RANBP2: variants seen among roughly 807,000 people sequenced by gnomAD.
RANBP2 encodes the protein RAN binding protein 2, also known as E3 SUMO-protein ligase RanBP2.
Under a neutral mutation model 303.6 loss-of-function variants are expected in RANBP2, and 57 were observed. The ratio of observed to expected loss-of-function variants is 0.19; its 90% confidence interval spans 0.15 to 0.23. RANBP2 has a LOEUF of 0.23. RANBP2 is among the 10% of genes least tolerant of loss of function. RANBP2 has a pLI of 1.00. For synonymous variants in RANBP2, 1,167 were observed against 1,301.5 expected (o/e 0.90, Z 2.23); for missense variants, 3,138 against 3,780.8 (o/e 0.83, Z 4.46).
chr2:109,136,893 A>G, the RANBP2 span, among the ~76,000 whole-genome samples: 3 of 152,138 alleles, frequency 2.0e-5, no homozygotes, highest in African/African-American at 7.2e-5. Context: ...GCAAGACCTC[A>G]CCAGAGAATC....
At chr2:109,760,438 C>T in the RANBP2 span, 3 of 948,914 alleles carry the variant, frequency 3.2e-6, no homozygotes, top group Non-Finnish European at 3.7e-6. Context: ...GGCGCAGGGC[C>T]GGGGGCGGCG....
At chr2:108,818,516 A>G in the RANBP2 span, among the ~76,000 whole-genome samples, 1 of 152,176 alleles carries the variant, frequency 6.6e-6, no homozygotes, top group Non-Finnish European at 1.5e-5. Flanking sequence ...ATTACTATAT[A>G]ATAATAAAGG....
chr2:109,142,162 G>A, the RANBP2 span, among the ~76,000 whole-genome samples: 1 of 151,952 alleles, frequency 6.6e-6, no homozygotes, highest in Non-Finnish European at 1.5e-5. Context: ...AGCAGCAAGG[G>A]AATGCTTCCC....
At chr2:108,875,317 A>T in the RANBP2 span, among the ~76,000 whole-genome samples, 118 of 39,482 alleles carry the variant, frequency 3.0e-3, 3 homozygotes, top group African/African-American at 5.5e-3. Context: ...CTTAAAGTAT[A>T]ATAAAAAAAA....
chr2:109,199,948 A>G, the RANBP2 span, among the ~76,000 whole-genome samples: 14 of 146,114 alleles, frequency 9.6e-5, no homozygotes, highest in East Asian at 2.8e-3. Context: ...ACGTGTCCCC[A>G]GGGACGTTTG....
At chr2:109,591,629 G>T in the RANBP2 span, among the ~76,000 whole-genome samples, 41 of 152,304 alleles carry the variant, frequency 2.7e-4, no homozygotes, top group East Asian at 7.3e-3. Flanking sequence ...AGGTGTGGTG[G>T]CTCACGTCTG....
At chr2:108,747,156 TGAA>T (rs1291744383) in intron 8 of RANBP2, among the ~76,000 whole-genome samples, 2 of 152,168 alleles carry the variant, frequency 1.3e-5, no homozygotes, top group African/African-American at 4.8e-5. Context: ...GATATAAAGA[TGAA>T]GAAGATACGG....
At chr2:109,399,111 G>T in the RANBP2 span, among the ~76,000 whole-genome samples, 3 of 152,142 alleles carry the variant, frequency 2.0e-5, no homozygotes, top group African/African-American at 7.2e-5. Flanking sequence ...GGCCCCCCTA[G>T]AAGCGTGGAG....
At chr2:109,559,074 C>T in the RANBP2 span, among the ~76,000 whole-genome samples, 60 of 152,130 alleles carry the variant, frequency 3.9e-4, 1 homozygote, top group East Asian at 0.011. Context: ...TTAGTACAGA[C>T]AGGGTTTCAC....
chr2:109,171,507 G>A, the RANBP2 span, among the ~76,000 whole-genome samples: 9 of 152,342 alleles, frequency 5.9e-5, no homozygotes, highest in East Asian at 7.7e-4. Flanking sequence ...TGCTGGGCTC[G>A]CGGGTATGGT....
At chr2:109,317,011 C>T in the RANBP2 span, among the ~76,000 whole-genome samples, 1 of 152,030 alleles carries the variant, frequency 6.6e-6, no homozygotes, top group African/African-American at 2.4e-5. Flanking sequence ...AATAACACTC[C>T]ATTGTCTGGG....
chr2:108,915,179 CA>C, the RANBP2 span, among the ~76,000 whole-genome samples: 1 of 152,216 alleles, frequency 6.6e-6, no homozygotes, highest in Non-Finnish European at 1.5e-5. Context: ...GCTGGGATTA[CA>C]GGTGTGAGCC....
At chr2:109,392,161 G>A in the RANBP2 span, among the ~76,000 whole-genome samples, 1 of 152,160 alleles carries the variant, frequency 6.6e-6, no homozygotes, top group South Asian at 2.1e-4. Context: ...TCTCTAAAAT[G>A]TACCCAACCC....
chr2:108,989,694 C>G, the RANBP2 span, among the ~76,000 whole-genome samples: 1 of 152,134 alleles, frequency 6.6e-6, no homozygotes, highest in African/African-American at 2.4e-5. Flanking sequence ...ACCCATGTAA[C>G]TTCAGATAAC....
chr2:109,580,710 C>A, the RANBP2 span, among the ~76,000 whole-genome samples: 5 of 152,116 alleles, frequency 3.3e-5, no homozygotes, highest in Non-Finnish European at 5.9e-5. Flanking sequence ...TAACTAGAAA[C>A]CTGAACAAAA....
At chr2:108,743,800 C>T (rs948821007) in intron 7 of RANBP2, among the ~76,000 whole-genome samples, 3 of 143,922 alleles carry the variant, frequency 2.1e-5, no homozygotes, top group Non-Finnish European at 4.8e-5. Context: ...AATGTTTCTT[C>T]ATTGTTCCAC....
the RANBP2 span, among the ~76,000 whole-genome samples, chr2:109,230,088 T>A: frequency 1.8e-4 from 27 of 152,098 alleles, no homozygotes; most frequent in Non-Finnish European, 3.1e-4. Context: ...CCTCCCAAAG[T>A]GCTGGGATTA....
At chr2:109,212,740 G>A in the RANBP2 span, among the ~76,000 whole-genome samples, 9 of 152,226 alleles carry the variant, frequency 5.9e-5, no homozygotes, top group East Asian at 7.7e-4. Flanking sequence ...CTCTTTGCCC[G>A]TGGCCCAAAG....
the RANBP2 span, among the ~76,000 whole-genome samples, chr2:109,534,778 A>AC: frequency 6.6e-6 from 1 of 152,080 alleles, no homozygotes; most frequent in African/African-American, 2.4e-5. Flanking sequence ...TCAAAAAAAA[A>AC]AAAAAAGTTT....
Sources: gnomAD v4.1 joint callset for allele counts (sites outside exome capture counted in the v4.1 genomes callset) on GRCh38, gnomAD v4.1.1 for gene constraint, MANE v1.5 for transcripts, NCBI Gene and HGNC (gene_info 2026-07-23, HGNC 2026-07-21) for gene names.